Variants in ELMO1 observed in about 807,000 individuals in gnomAD.
ELMO1 encodes engulfment and cell motility protein 1.
Under a neutral mutation model 98.9 loss-of-function variants are expected in ELMO1, and 26 were observed. That is an observed-to-expected ratio of 0.26 (90% CI 0.19 to 0.36). ELMO1 has a LOEUF of 0.36. Among genes scored for constraint, ELMO1 ranks in the 10% least tolerant of loss-of-function variants. The probability of loss-of-function intolerance (pLI) is 1.00; values close to 1 mark genes in which losing one functional copy is unlikely to be tolerated. For synonymous variants in ELMO1, 346 were observed against 346.0 expected (o/e 1.00, Z 0.00); for missense variants, 627 against 935.2 (o/e 0.67, Z 4.30).
intron 16 of ELMO1, among the ~76,000 whole-genome samples, chr7:36,968,726 G>A (rs1789659319): frequency 6.6e-6 from 1 of 151,734 alleles, no homozygotes; most frequent in African/African-American, 2.4e-5. Flanking sequence ...TTCATTTATT[G>A]ATTCTATTAT....
chr7:37,156,914 C>T (rs888130549), intron 13 of ELMO1, among the ~76,000 whole-genome samples: 1 of 152,100 alleles, frequency 6.6e-6, no homozygotes, highest in Non-Finnish European at 1.5e-5. Flanking sequence ...TGTGAAAATC[C>T]TCATTAAAAT....
intron 1 of ELMO1, among the ~76,000 whole-genome samples, chr7:37,392,437 T>C (rs1016356671): frequency 1.6e-4 from 24 of 152,358 alleles, no homozygotes; most frequent in African/African-American, 5.1e-4. Context: ...TTGGCAGAAC[T>C]TGGTGACAAC....
At chr7:37,167,322 C>T (rs905295515) in intron 13 of ELMO1, among the ~76,000 whole-genome samples, 2 of 152,160 alleles carry the variant, frequency 1.3e-5, no homozygotes, top group East Asian at 1.9e-4. Context: ...TTAATTGAAG[C>T]ATTTCGTCCA....
At chr7:37,069,018 C>T (rs1797130339) in intron 15 of ELMO1, among the ~76,000 whole-genome samples, 1 of 152,226 alleles carries the variant, frequency 6.6e-6, no homozygotes, top group East Asian at 1.9e-4. Flanking sequence ...TCTCCAAATG[C>T]CTCATCTCTC....
rs1368468740 is a variant in ELMO1 at position 37,126,414 on chromosome 7, T to C, written c.1191+6716A>G. 2.0e-5 allele frequency among the ~76,000 whole-genome samples: 3 copies of C among 151,460 alleles called. 1 individual carries two copies. The highest frequency in any genetic ancestry group is 4.2e-4 in the South Asian group (2 of 4,814). On this transcript the variant is annotated intron_variant, in intron 14 of 21. Coordinates refer to ENST00000310758, the MANE Select transcript of ELMO1 (RefSeq NM_014800.11). ...GGGTCAGGCTTGTTCTATTCCATACTGACTGCCCAACAGAATACTTCTCTA... is the reference window on the plus strand; with the variant it reads ...GGGTCAGGCTTGTTCTATTCCATACCGACTGCCCAACAGAATACTTCTCTA...
intron 15 of ELMO1, among the ~76,000 whole-genome samples, chr7:37,089,456 G>A (rs1783955692): frequency 6.6e-6 from 1 of 152,138 alleles, no homozygotes; most frequent in South Asian, 2.1e-4. Context: ...AATCACAAAT[G>A]TATGTCCATT....
chr7:36,936,267 G>A (rs1786519559), intron 16 of ELMO1, among the ~76,000 whole-genome samples: 1 of 152,128 alleles, frequency 6.6e-6, no homozygotes, highest in Admixed American at 6.5e-5. Flanking sequence ...ATGGGATGAT[G>A]TGGTGTGCAA....
chr7:37,306,093 TG>T (rs1456322775), intron 4 of ELMO1, among the ~76,000 whole-genome samples: 1 of 152,212 alleles, frequency 6.6e-6, no homozygotes, highest in Non-Finnish European at 1.5e-5. Context: ...GATGAACTGT[TG>T]TCCTGAAATG....
chr7:37,094,373 G>A (rs950787549), intron 15 of ELMO1, among the ~76,000 whole-genome samples: 1 of 152,162 alleles, frequency 6.6e-6, no homozygotes, highest in Non-Finnish European at 1.5e-5. Context: ...TGTTACTTCA[G>A]CCCACAAATG....
chr7:37,444,750 G>A (rs1008918114), intron 1 of ELMO1, among the ~76,000 whole-genome samples: 6 of 152,064 alleles, frequency 3.9e-5, no homozygotes, highest in South Asian at 4.1e-4. Flanking sequence ...TCCTGACCTC[G>A]CAATCCACCC....
chr7:36,910,147 T>G (rs1469713375), intron 16 of ELMO1, among the ~76,000 whole-genome samples: 1 of 152,232 alleles, frequency 6.6e-6, no homozygotes, highest in Non-Finnish European at 1.5e-5. Context: ...TAATAACTTT[T>G]GAATCCTGGA....
At chr7:37,162,593 A>G (rs1161473156) in intron 13 of ELMO1, among the ~76,000 whole-genome samples, 1 of 152,234 alleles carries the variant, frequency 6.6e-6, no homozygotes, top group Non-Finnish European at 1.5e-5. Flanking sequence ...TAACTATTTC[A>G]CTTGAGACGT....
rs1034502351 is a variant in ELMO1, at chr7:36,863,176, C to T, written c.1906-1440G>A. Among the ~76,000 whole-genome samples, 16 of 152,162 alleles carry T rather than the reference C, an allele frequency of 1.1e-4. No individual in the cohort carries two copies. In the South Asian group the frequency reaches 1.5e-3, roughly 14 times the overall value. On this transcript the variant is annotated intron_variant, in intron 20 of 21. Transcript: ENST00000310758. ...TCACCTTGACAGAAATAGAAACAAG[C>T]GAAGGAAAGAATGCTGAGTCGTGGA... is the stretch of plus-strand genomic sequence containing the variant.
At chr7:37,152,569 G>A (rs958194500) in intron 13 of ELMO1, among the ~76,000 whole-genome samples, 1 of 152,084 alleles carries the variant, frequency 6.6e-6, no homozygotes, top group African/African-American at 2.4e-5. Flanking sequence ...GCATGTGTGT[G>A]GATGAGTGTG....
At chr7:36,973,618 C>T (rs1002626660) in intron 16 of ELMO1, among the ~76,000 whole-genome samples, 1 of 152,206 alleles carries the variant, frequency 6.6e-6, no homozygotes, top group Admixed American at 6.5e-5. Flanking sequence ...CTCGGTGACT[C>T]CTCTGCCTGG....
At chr7:37,339,565 G>A (rs992988559) in intron 2 of ELMO1, among the ~76,000 whole-genome samples, 9 of 152,182 alleles carry the variant, frequency 5.9e-5, no homozygotes, top group Non-Finnish European at 1.3e-4. Flanking sequence ...AGAAGATTAG[G>A]AGAAAACCCA....
intron 14 of ELMO1, among the ~76,000 whole-genome samples, chr7:37,126,419 G>T (rs188634660): frequency 1.3e-5 from 2 of 151,216 alleles, no homozygotes; most frequent in Admixed American, 6.6e-5. Context: ...CATACTGACT[G>T]CCCAACAGAA....
At chr7:36,924,930 C>T (rs1318320787) in intron 16 of ELMO1, among the ~76,000 whole-genome samples, 1 of 152,196 alleles carries the variant, frequency 6.6e-6, no homozygotes, top group Non-Finnish European at 1.5e-5. Context: ...TTTGAGGATA[C>T]AGAAGTGATT....
chr7:37,224,829 G>T (rs750687445), intron 9 of ELMO1, 50 bp downstream of exon 9: 2 of 1,599,762 alleles, frequency 1.3e-6, no homozygotes, highest in Non-Finnish European at 1.7e-6. Flanking sequence ...CATTACCGTG[G>T]CCATCTTCCT....
Sources: gnomAD v4.1 joint callset for allele counts (sites outside exome capture counted in the v4.1 genomes callset) on GRCh38, gnomAD v4.1.1 for gene constraint, MANE v1.5 for transcripts, NCBI Gene and HGNC (gene_info 2026-07-23, HGNC 2026-07-21) for gene names.